CHM: variants seen among roughly 807,000 people sequenced by gnomAD.
The protein encoded by CHM is rab proteins geranylgeranyltransferase component A 1.
Under a neutral mutation model 49.0 loss-of-function variants are expected in CHM, and 10 were observed. The observed-to-expected ratio is 0.20, with a 90% CI of 0.13 to 0.35. The LOEUF is 0.35. Ranked by LOEUF, CHM falls within the 10% of genes least tolerant of loss-of-function variation. CHM has a pLI of 1.00. For synonymous variants in CHM, 184 were observed against 167.5 expected (o/e 1.10, Z -0.76); for missense variants, 455 against 478.4 (o/e 0.95, Z 0.46).
chrX:86,031,655 A>T (rs1372722508), intron 1 of CHM, among the ~76,000 whole-genome samples: 2 of 112,150 alleles, frequency 1.8e-5, no homozygotes, highest in Non-Finnish European at 3.8e-5. Flanking sequence ...AGCCTGACCA[A>T]CATGTAGAAA....
At chrX:85,977,731 G>C (rs12861027) in intron 4 of CHM, among the ~76,000 whole-genome samples, 30,759 of 111,187 alleles carry the variant, frequency 0.28, 3,529 homozygotes, top group Admixed American at 0.39. Context: ...AATATCTAGT[G>C]AGCTGTACCT....
chrX:85,903,357 G>C (rs752032692), intron 9 of CHM, among the ~76,000 whole-genome samples: 1 of 110,959 alleles, frequency 9.0e-6, no homozygotes, highest in African/African-American at 3.3e-5. Context: ...TCTTTAAAAA[G>C]GGTTCCCATT....
At chrX:85,973,809 G>A (rs141411936) in intron 4 of CHM, among the ~76,000 whole-genome samples, 409 of 112,218 alleles carry the variant, frequency 3.6e-3, no homozygotes, top group Middle Eastern at 4.7e-3. Flanking sequence ...TATTAAGTGA[G>A]CCTAAGGATA....
At chrX:85,949,981 ATAT>A (rs758335090) in intron 8 of CHM, among the ~76,000 whole-genome samples, 12,854 of 48,670 alleles carry the variant, frequency 0.26, 962 homozygotes, top group Middle Eastern at 0.34. Flanking sequence ...GAAATTAAAT[ATAT>A]ATATATATAT....
intron 1 of CHM, among the ~76,000 whole-genome samples, chrX:86,030,589 G>A (rs1428296317): frequency 1.8e-5 from 2 of 111,503 alleles, no homozygotes; most frequent in African/African-American, 6.5e-5. Context: ...GCCTGTTAGA[G>A]CTCAGAGTCT....
In CHM at chrX:86,039,291, T is replaced by A. The variant is rs200647514; in HGVS notation, c.49+8193A>T. Among the ~76,000 whole-genome samples, 4 of 89,245 alleles carry A rather than the reference T, an allele frequency of 4.5e-5. No homozygotes were observed. The East Asian group carries it at 1.5e-3, about 33-fold the overall frequency. 77.5% of individuals were successfully genotyped at this position (89,245 alleles called of 115,157 possible). On this transcript the variant is annotated intron_variant, in intron 1 of 14. Transcript: ENST00000357749. Reference sequence around the variant, plus strand: ...TTGAACTCACAGCTCAGCATCTTCTTAATATGCCTCATATCCATGTGTAAA... The same window carrying A: ...TTGAACTCACAGCTCAGCATCTTCTAAATATGCCTCATATCCATGTGTAAA...
In CHM at chrX:85,957,620, TG is replaced by T. The variant is rs111581142; in HGVS notation, c.940+234del. 0.22 allele frequency among the ~76,000 whole-genome samples: 24,736 copies of T among 109,954 alleles called. 2,165 individuals are homozygous for T. The highest frequency in any genetic ancestry group is 0.25 in the Non-Finnish European group (13,206 of 52,581). On this transcript the variant is annotated intron_variant, in intron 7 of 14. Transcript: ENST00000357749. ...TCTGCACTGTAGCCACATGGGGCTA[TG>T]GGAGCCCTTGAAATACAGCTAATAA... is the stretch of plus-strand genomic sequence containing the variant.
chrX:85,901,091 G>C lies in CHM; in HGVS notation c.1342C>G (p.Gln448Glu). The change falls in exon 10 of 15, where the codon CAA becomes GAA. Residue 448 changes from glutamine (Q) to glutamate (E), a missense_variant. Transcript: ENST00000357749. ...GGGTGGAGGGGGCCTTACCTGTATT[G>C]CACACGTGAGCACATGTTCTCAGGA... ...YFPENMCSRV[Q>E]YRQISRAVLI... 1 of 1,188,954 alleles carries C rather than the reference G, an allele frequency of 8.4e-7. No homozygotes were observed. Among genetic ancestry groups the C allele is most frequent in the Non-Finnish European group, 1.1e-6 (1 of 876,913 alleles).
At chrX:86,035,282 G>C (rs1357296300) in intron 1 of CHM, among the ~76,000 whole-genome samples, 5 of 111,672 alleles carry the variant, frequency 4.5e-5, no homozygotes, top group Non-Finnish European at 5.6e-5. Context: ...AAGGGAATAA[G>C]GAACAAAATA....
At chrX:86,033,747 G>A (rs2147799532) in intron 1 of CHM, among the ~76,000 whole-genome samples, 2 of 111,316 alleles carry the variant, frequency 1.8e-5, no homozygotes, top group East Asian at 5.6e-4. Context: ...TGCAAATGAA[G>A]TAGCCTAGGG....
chrX:86,025,798 C>T (rs1933785836), intron 2 of CHM, among the ~76,000 whole-genome samples: 1 of 110,321 alleles, frequency 9.1e-6, no homozygotes, highest in Non-Finnish European at 1.9e-5. Flanking sequence ...AGGTAAATTT[C>T]GAAAAATTAC....
chrX:86,008,662 A>T (rs908890925), intron 2 of CHM, among the ~76,000 whole-genome samples: 1 of 111,794 alleles, frequency 8.9e-6, no homozygotes, highest in Non-Finnish European at 1.9e-5. Context: ...GGCTAAAAAA[A>T]TTTTCTAGTG....
At chrX:85,898,743 C>A (rs1037901189) in intron 11 of CHM, among the ~76,000 whole-genome samples, 1 of 112,012 alleles carries the variant, frequency 8.9e-6, no homozygotes, top group African/African-American at 3.2e-5. Context: ...TGTACTATTT[C>A]TTCTACCCGC....
At chrX:85,937,179 T>C (rs1221050241) in intron 8 of CHM, among the ~76,000 whole-genome samples, 1 of 103,999 alleles carries the variant, frequency 9.6e-6, no homozygotes, top group Non-Finnish European at 1.9e-5. Context: ...GGCAGGAGAA[T>C]CACTTGAACC....
chrX:86,019,263 A>G (rs1032656104), intron 2 of CHM, among the ~76,000 whole-genome samples: 1 of 112,455 alleles, frequency 8.9e-6, no homozygotes, highest in Non-Finnish European at 1.9e-5. Flanking sequence ...AGAAGAAATC[A>G]TAACAGCTAT....
intron 2 of CHM, among the ~76,000 whole-genome samples, chrX:85,994,820 C>T (rs1264657510): frequency 9.0e-6 from 1 of 111,336 alleles, no homozygotes; most frequent in African/African-American, 3.3e-5. Context: ...AGAGAAAAAG[C>T]TTTCTCTTTA....
intron 9 of CHM, among the ~76,000 whole-genome samples, chrX:85,906,096 T>A (rs1415925641): frequency 8.9e-6 from 1 of 111,945 alleles, no homozygotes; most frequent in African/African-American, 3.2e-5. Flanking sequence ...ACTTGTTGCA[T>A]GGATGGGTGA....
In CHM at chrX:86,047,135, A is replaced by G. The variant is rs990443288; in HGVS notation, c.49+349T>C. On this transcript the variant is annotated intron_variant, in intron 1 of 14. Transcript: ENST00000357749. The stretch of plus-strand genomic sequence containing the variant: ...CCTTGAAATCAATAAGGAAGGAATC[A>G]TAATGTCTTGCCAAAGTCGTCTCCG... 18 of 316,741 alleles carry G rather than the reference A, an allele frequency of 5.7e-5. 2 individuals are homozygous for G. The highest frequency in any genetic ancestry group is 9.7e-4 in the Middle Eastern group (1 of 1,033). 26.1% of individuals were successfully genotyped at this position (316,741 alleles called of 1,213,427 possible).
At chrX:86,037,855 G>C (rs760263905) in intron 1 of CHM, among the ~76,000 whole-genome samples, 2 of 111,042 alleles carry the variant, frequency 1.8e-5, no homozygotes, top group Non-Finnish European at 3.8e-5. Context: ...TGTATCCATT[G>C]TAAGCACTAA....
Sources: gnomAD v4.1 joint callset for allele counts (sites outside exome capture counted in the v4.1 genomes callset) on GRCh38, gnomAD v4.1.1 for gene constraint, MANE v1.5 for transcripts, NCBI Gene and HGNC (gene_info 2026-07-23, HGNC 2026-07-21) for gene names.